SNAP25: variants seen among roughly 807,000 people sequenced by gnomAD.
The protein encoded by SNAP25 is synaptosomal-associated protein 25.
In SNAP25, 3 loss-of-function variants were observed where a neutral mutation model predicts 28.7. The observed-to-expected ratio is 0.10, with a 90% CI of 0.05 to 0.27. The LOEUF (loss-of-function observed/expected upper bound fraction) is 0.27. SNAP25 is among the 10% of genes least tolerant of loss of function. The probability of loss-of-function intolerance (pLI) is 1.00; values close to 1 mark genes in which losing one functional copy is unlikely to be tolerated. For missense variants in SNAP25, 117 were observed against 278.7 expected (o/e 0.42, Z 4.13); for synonymous variants, 61 against 88.1 (o/e 0.69, Z 1.72).
intron 2 of SNAP25, 127 bp downstream of exon 2, chr20:10,275,690 T>C (rs1469742165): frequency 4.3e-6 from 3 of 695,190 alleles, no homozygotes; most frequent in Non-Finnish European, 6.7e-6. Flanking sequence ...TAATATGACT[T>C]TGATTTTCTG....
Position 10,297,060 on chromosome 20 carries a change from A to T in SNAP25, c.407+10A>T. On this transcript the variant is annotated intron_variant, in intron 6 of 7. Transcript: ENST00000254976. ...GCGGCTTCATCCGCAGGTGAGCCTCATGCAGCATACACTGTAGCAGTTCTC... is the reference window on the plus strand; with the variant it reads ...GCGGCTTCATCCGCAGGTGAGCCTCTTGCAGCATACACTGTAGCAGTTCTC... 6.3e-7 allele frequency: 1 copy of T among 1,585,804 alleles called. No individual in the cohort carries two copies. Among genetic ancestry groups the T allele is most frequent in the Non-Finnish European group, 8.6e-7 (1 of 1,166,212 alleles).
chr20:10,291,324 C>T (rs2063994029), intron 4 of SNAP25, among the ~76,000 whole-genome samples: 1 of 152,160 alleles, frequency 6.6e-6, no homozygotes, highest in Admixed American at 6.5e-5. Context: ...GATCTGCCTG[C>T]CTTGGCCTCC....
At chr20:10,254,558 C>G (rs1342663614) in intron 1 of SNAP25, among the ~76,000 whole-genome samples, 1 of 152,188 alleles carries the variant, frequency 6.6e-6, no homozygotes, top group Non-Finnish European at 1.5e-5. Flanking sequence ...AGAAGTGCCT[C>G]TCTGCAAGTA....
Position 10,299,506 on chromosome 20 carries a change from G to A in SNAP25, c.552+94G>A, listed in dbSNP as rs76605348. On this transcript the variant is annotated intron_variant, in intron 7 of 7. Coordinates refer to ENST00000254976, the MANE Select transcript of SNAP25 (RefSeq NM_130811.4). ...GGGCATAACAAGATCCTCAAAACACGACCTTGGATTCAGGCGCACTGATAG... is the reference window on the plus strand; with the variant it reads ...GGGCATAACAAGATCCTCAAAACACAACCTTGGATTCAGGCGCACTGATAG... The A allele has an allele frequency of 2.9e-4, 383 of 1,300,638 alleles. 3 individuals carry two copies. In the African/African-American group the frequency reaches 5.5e-3, roughly 19 times the overall value. 80.6% of individuals were successfully genotyped at this position (1,300,638 alleles called of 1,614,324 possible).
chr20:10,289,539 T>C (rs2063954658), intron 4 of SNAP25, among the ~76,000 whole-genome samples: 2 of 151,768 alleles, frequency 1.3e-5, no homozygotes, highest in South Asian at 4.2e-4. Flanking sequence ...AAACCATCTC[T>C]CTAGCTAAAG....
chr20:10,225,946 G>T (rs1248289478), intron 1 of SNAP25, among the ~76,000 whole-genome samples: 1 of 152,092 alleles, frequency 6.6e-6, no homozygotes, highest in Non-Finnish European at 1.5e-5. Context: ...CTACACTCCT[G>T]CCTCATTCCT....
chr20:10,246,373 G>C (rs1425245557), intron 1 of SNAP25, among the ~76,000 whole-genome samples: 2 of 152,186 alleles, frequency 1.3e-5, no homozygotes, highest in Non-Finnish European at 2.9e-5. Context: ...TATTTATTGA[G>C]AGGGAGGGGA....
chr20:10,267,791 C>G (rs2063529678), intron 1 of SNAP25, among the ~76,000 whole-genome samples: 1 of 152,214 alleles, frequency 6.6e-6, no homozygotes, highest in South Asian at 2.1e-4. Flanking sequence ...ACCTTGTGAT[C>G]TGCCCGCCTC....
chr20:10,301,781 C>T (rs185348390), intron 7 of SNAP25, among the ~76,000 whole-genome samples: 216 of 150,312 alleles, frequency 1.4e-3, no homozygotes, highest in African/African-American at 5.2e-3. Flanking sequence ...CAAGAAATTA[C>T]TTTATTTAAA....
chr20:10,270,488 G>A (rs918833212), intron 1 of SNAP25, among the ~76,000 whole-genome samples: 1 of 151,912 alleles, frequency 6.6e-6, no homozygotes, highest in African/African-American at 2.4e-5. Flanking sequence ...CTCTTGAGGT[G>A]AGGAGTTCGA....
At chr20:10,290,078 A>T (rs1178791006) in intron 4 of SNAP25, among the ~76,000 whole-genome samples, 1 of 152,106 alleles carries the variant, frequency 6.6e-6, no homozygotes, top group Non-Finnish European at 1.5e-5. Flanking sequence ...AGCAGTCAAC[A>T]CTGGATGGTG....
intron 1 of SNAP25, among the ~76,000 whole-genome samples, chr20:10,246,346 A>AT (rs1484825457): frequency 6.6e-6 from 1 of 152,168 alleles, no homozygotes; most frequent in Non-Finnish European, 1.5e-5. Context: ...GGAGAGAGAG[A>AT]TAAAAGGGGG....
intron 4 of SNAP25, chr20:10,292,887 C>T: frequency 1.9e-6 from 3 of 1,601,912 alleles, no homozygotes; most frequent in Non-Finnish European, 2.6e-6. Context: ...ACCAGAACAA[C>T]TCGATCGTGT....
intron 1 of SNAP25, among the ~76,000 whole-genome samples, chr20:10,263,862 C>T (rs1012851463): frequency 6.6e-6 from 1 of 152,122 alleles, no homozygotes; most frequent in African/African-American, 2.4e-5. Context: ...ATGAATGAAC[C>T]TGTTACCGTG....
chr20:10,222,012 G>GA (rs1379418359), intron 1 of SNAP25, among the ~76,000 whole-genome samples: 21 of 152,222 alleles, frequency 1.4e-4, no homozygotes, highest in Non-Finnish European at 2.6e-4. Flanking sequence ...ATAAAAGAAG[G>GA]AAAAATCTGT....
chr20:10,233,677 A>G (rs376900786), intron 1 of SNAP25, among the ~76,000 whole-genome samples: 1 of 152,216 alleles, frequency 6.6e-6, no homozygotes, highest in Admixed American at 6.5e-5. Flanking sequence ...GAACTGGGCC[A>G]AATATGCTGT....
At chr20:10,306,047 GGAA>G in intron 7 of SNAP25, 79 bp from the exon 8 acceptor site, 1 of 1,317,618 alleles carries the variant, frequency 7.6e-7, no homozygotes, top group Non-Finnish European at 1.1e-6. Context: ...TCACCCAAGA[GGAA>G]GCATTGGACC....
chr20:10,274,677 A>T (rs1418663457), intron 1 of SNAP25, among the ~76,000 whole-genome samples: 2 of 152,088 alleles, frequency 1.3e-5, no homozygotes, highest in African/African-American at 4.8e-5. Context: ...CCCCGTCTCT[A>T]CTAAAAATAC....
intron 5 of SNAP25, 52 bp from the exon 6 acceptor site, chr20:10,296,873 G>A: frequency 3.1e-6 from 5 of 1,609,780 alleles, no homozygotes; most frequent in Non-Finnish European, 4.2e-6. Context: ...CAATTGTTGA[G>A]AGCTTGCTCC....
Sources: gnomAD v4.1 joint callset for allele counts (sites outside exome capture counted in the v4.1 genomes callset) on GRCh38, gnomAD v4.1.1 for gene constraint, MANE v1.5 for transcripts, NCBI Gene and HGNC (gene_info 2026-07-23, HGNC 2026-07-21) for gene names.